SLC8B1: variants seen among roughly 807,000 people sequenced by gnomAD.
SLC8B1 encodes solute carrier family 8 member B1, also known as mitochondrial sodium/calcium exchanger protein.
Under a neutral mutation model 63.4 loss-of-function variants are expected in SLC8B1, and 52 were observed. The observed-to-expected ratio is 0.82, with a 90% confidence interval of 0.66 to 1.03. The LOEUF is 1.03. Ranked by LOEUF, SLC8B1 falls within the 50% of genes least tolerant of loss-of-function variation. The pLI is 0.00. For synonymous variants in SLC8B1, 336 were observed against 323.9 expected (o/e 1.04, Z -0.40); for missense variants, 657 against 741.7 (o/e 0.89, Z 1.33).
Position 113,307,735 on chromosome 12 carries a change from G to C in SLC8B1, c.1367C>G (p.Thr456Ser), listed in dbSNP as rs746065889. Residue 456 changes from threonine (T) to serine (S), a missense_variant, in exon 13 of 16, where the codon ACT becomes AGT. Coordinates refer to ENST00000680972, the MANE Select transcript of SLC8B1 (RefSeq NM_001358345.2). ...GGCCAGCAGCGTGAGCCCCAGCACA[G>C]TGTTGCTCAGCCGGAAGACCACACC... The part of the protein sequence containing the change: ...SLGVVFRLSN[T>S]VLGLTLLAWG... 3 of 1,614,092 alleles carry C rather than the reference G, an allele frequency of 1.9e-6. No individual in the cohort carries two copies. Among genetic ancestry groups the C allele is most frequent in the Non-Finnish European group, 2.5e-6 (3 of 1,180,046 alleles).
At position 113,317,774 on chromosome 12, in the gene SLC8B1, G is replaced by A. The variant is rs1026655732; in HGVS notation, c.803-773C>T. On this transcript the variant is annotated intron_variant, in intron 8 of 15. Coordinates refer to ENST00000680972, the MANE Select transcript of SLC8B1 (RefSeq NM_001358345.2). ...TGTTTATGTGTGTGTGCATGTATTTGTATGTGTGTTGTGTATGTGAGTGTA... is the reference window on the plus strand; with the variant it reads ...TGTTTATGTGTGTGTGCATGTATTTATATGTGTGTTGTGTATGTGAGTGTA... Among the ~76,000 whole-genome samples the A allele has an allele frequency of 1.9e-3, 296 of 151,862 alleles. 1 individual carries two copies. The highest frequency in any genetic ancestry group is 6.9e-3 in the African/African-American group (287 of 41,382).
chr12:113,304,355 A>T lies in SLC8B1; in HGVS notation c.1523T>A (p.Leu508Gln). The T allele has an allele frequency of 6.2e-7, 1 of 1,614,036 alleles. No individual in the cohort carries two copies. The highest frequency in any genetic ancestry group is 2.2e-5 in the East Asian group (1 of 44,874). ...TGTGTGGCTTCGGGAGATCTGGAGC[A>T]GGCAGCCCAGCCCCACACCCACGAG... Reference protein sequence around the residue: ...NILVGVGLGCLLQISRSHTEV... With the variant: ...NILVGVGLGCQLQISRSHTEV... The change falls in exon 15 of 16, where the codon CTG becomes CAG. Residue 508 changes from leucine (L) to glutamine (Q), a missense_variant. Transcript: ENST00000680972.
intron 2 of SLC8B1, 28 bp downstream of exon 2, chr12:113,332,695 A>T (rs1322726279): frequency 3.1e-6 from 5 of 1,603,928 alleles, no homozygotes; most frequent in Non-Finnish European, 4.3e-6. Flanking sequence ...AGCCCCACTC[A>T]ACCCCAGGTT....
intron 14 of SLC8B1, 129 bp downstream of exon 14, chr12:113,306,366 G>C: frequency 1.4e-6 from 1 of 697,156 alleles, no homozygotes; most frequent in Non-Finnish European, 2.3e-6. Flanking sequence ...TGGAGCCTGA[G>C]GCTCAGGCAG....
rs550473873 is a variant in SLC8B1, at chr12:113,304,312, A to G, written c.1557+9T>C. On this transcript the variant is annotated intron_variant, in intron 15 of 15. Coordinates refer to ENST00000680972, the MANE Select transcript of SLC8B1 (RefSeq NM_001358345.2). The stretch of plus-strand genomic sequence containing the variant: ...TATATACACTTGTAAACTTACAAGG[A>G]ATACTCACCTTCACTTCTGTGTGGC... 6.8e-5 allele frequency: 110 copies of G among 1,613,664 alleles called. No homozygotes were observed. The South Asian group carries it at 1.2e-3, about 18-fold the overall frequency.
chr12:113,314,644 T>G (rs926338972), intron 11 of SLC8B1, among the ~76,000 whole-genome samples: 1 of 152,188 alleles, frequency 6.6e-6, no homozygotes, highest in Non-Finnish European at 1.5e-5. Context: ...TGGAGGGGAC[T>G]GTGATGATTT....
Position 113,310,314 on chromosome 12 carries a change from C to T in SLC8B1, c.1177G>A (p.Val393Met), listed in dbSNP as rs368819577. 2.7e-5 allele frequency: 43 copies of T among 1,613,946 alleles called. No individual in the cohort carries two copies. In the Middle Eastern group the frequency reaches 4.9e-4, roughly 19 times the overall value. The part of the protein sequence containing the change: ...EIGGLVPVWV[V>M]VVIAGTALAS... Reference sequence around the variant, plus strand: ...AAGGCTGTGCCTGCGATCACCACCACGACCCAGACGGGAACGAGGCCGCCT... The same window carrying T: ...AAGGCTGTGCCTGCGATCACCACCATGACCCAGACGGGAACGAGGCCGCCT... The change falls in exon 12 of 16, where the codon GTG becomes ATG. Residue 393 changes from valine to methionine, a missense_variant. Transcript: ENST00000680972.
At chr12:113,309,176 CT>C (rs886799823) in intron 12 of SLC8B1, among the ~76,000 whole-genome samples, 1,581 of 141,734 alleles carry the variant, frequency 0.011, 32 homozygotes, top group East Asian at 0.096. Flanking sequence ...ATTAAGTAAA[CT>C]TTTTTTTTTT....
At chr12:113,304,712 C>T (rs1281116035) in intron 14 of SLC8B1, among the ~76,000 whole-genome samples, 2 of 152,168 alleles carry the variant, frequency 1.3e-5, no homozygotes, top group African/African-American at 4.8e-5. Flanking sequence ...TGTGATTCTC[C>T]CACCTCAACC....
intron 15 of SLC8B1, chr12:113,302,600 T>C: frequency 2.2e-6 from 1 of 455,804 alleles, no homozygotes; most frequent in South Asian, 1.5e-5. Flanking sequence ...CTTCCACACT[T>C]AGCAGGTATA....
rs1956655338 is a variant in SLC8B1 at position 113,305,239 on chromosome 12, A to C, written c.1493-854T>G. Among the ~76,000 whole-genome samples the C allele has an allele frequency of 6.6e-6, 1 of 152,242 alleles. No homozygotes were observed. The highest frequency in any genetic ancestry group is 1.5e-5 in the Non-Finnish European group (1 of 68,038). ...AACCTGGGAGGTCAGGCGAGGCTGC[A>C]GCCCGAAAGCCAGGAGTAGGCCTCA... On this transcript the variant is annotated intron_variant, in intron 14 of 15. Coordinates refer to ENST00000680972, the MANE Select transcript of SLC8B1 (RefSeq NM_001358345.2). The surrounding 1 kb of genome is among the most constrained non-coding windows in gnomAD (Gnocchi z 4.3).
chr12:113,306,640 GC>G (rs1566225541), intron 13 of SLC8B1, 65 bp from the exon 14 acceptor site: 2 of 1,325,952 alleles, frequency 1.5e-6, no homozygotes. Flanking sequence ...GGTCATCCAC[GC>G]CTTCATTCTC....
chr12:113,326,209 AC>A (rs1956995829), intron 2 of SLC8B1, among the ~76,000 whole-genome samples: 1 of 152,180 alleles, frequency 6.6e-6, no homozygotes, highest in Admixed American at 6.5e-5. Flanking sequence ...ATAAATATTT[AC>A]TGGGGCACAG....
intron 12 of SLC8B1, chr12:113,308,680 C>G (rs1002617140): frequency 3.9e-5 from 6 of 152,146 alleles, no homozygotes; most frequent in Non-Finnish European, 8.8e-5. Flanking sequence ...TTGTGGCACA[C>G]GTCGGTACTT....
intron 2 of SLC8B1, among the ~76,000 whole-genome samples, chr12:113,326,390 C>T (rs183412779): frequency 4.9e-4 from 75 of 152,176 alleles, no homozygotes; most frequent in African/African-American, 1.7e-3. Flanking sequence ...TATTTTGAGA[C>T]GGAGTCTTAC....
intron 13 of SLC8B1, chr12:113,306,953 A>C: frequency 3.7e-6 from 1 of 273,918 alleles, no homozygotes; most frequent in Non-Finnish European, 6.8e-6. Context: ...TCTATTAAAA[A>C]TACAAAAATT....
At chr12:113,316,288 C>T (rs1956835054) in intron 10 of SLC8B1, among the ~76,000 whole-genome samples, 2 of 152,024 alleles carry the variant, frequency 1.3e-5, no homozygotes, top group Non-Finnish European at 2.9e-5. Flanking sequence ...AGGTAACATA[C>T]TCCCAGGTTC....
At chr12:113,302,474 CAG>C in intron 15 of SLC8B1, 1 of 335,548 alleles carries the variant, frequency 3.0e-6, no homozygotes, top group Admixed American at 3.6e-5. Context: ...TCAGTTATGG[CAG>C]CACTAGGGAA....
chr12:113,317,855 T>C (rs1269125621), intron 8 of SLC8B1, among the ~76,000 whole-genome samples: 1 of 152,176 alleles, frequency 6.6e-6, no homozygotes, highest in Non-Finnish European at 1.5e-5. Flanking sequence ...TGAATTTGTG[T>C]ATGTGTATGC....
Sources: gnomAD v4.1 joint callset for allele counts (sites outside exome capture counted in the v4.1 genomes callset) on GRCh38, gnomAD v4.1.1 for gene constraint, Gnocchi (gnomAD v3.1) non-coding constraint, MANE v1.5 for transcripts, NCBI Gene and HGNC (gene_info 2026-07-23, HGNC 2026-07-21) for gene names.